Variants in SPATA7 observed in about 807,000 individuals in gnomAD.
SPATA7 encodes the protein spermatogenesis-associated protein 7.
A neutral mutation model predicts 51.8 loss-of-function variants in SPATA7; 43 were observed. That is an observed-to-expected ratio of 0.83 (90% CI 0.65 to 1.07). SPATA7 has a LOEUF of 1.07. Ranked by LOEUF, SPATA7 falls within the 50% of genes least tolerant of loss-of-function variation. The probability of loss-of-function intolerance (pLI) is 0.00; values close to 1 mark genes in which losing one functional copy is unlikely to be tolerated. For missense variants in SPATA7, 683 were observed against 701.3 expected, an observed-to-expected ratio of 0.97 and a Z score of 0.30; for synonymous variants, 230 against 252.8, an observed-to-expected ratio of 0.91 and a Z score of 0.86.
intron 10 of SPATA7, among the ~76,000 whole-genome samples, chr14:88,434,866 AT>A (rs770874377): frequency 2.3e-4 from 35 of 152,090 alleles, no homozygotes; most frequent in African/African-American, 3.1e-4. Flanking sequence ...TTGGGTTTTA[AT>A]AAAAAATTGT....
chr14:88,416,509 G>T, intron 4 of SPATA7: 6 of 368,750 alleles, frequency 1.6e-5, no homozygotes, highest in Middle Eastern at 8.7e-4. Context: ...AATTAAATGT[G>T]TTAGTTAATA....
At chr14:88,401,636 A>C (rs1316789374) in intron 4 of SPATA7, among the ~76,000 whole-genome samples, 1 of 152,058 alleles carries the variant, frequency 6.6e-6, no homozygotes, top group Admixed American at 6.6e-5. Context: ...AGGAGTGGCC[A>C]GCCTGGGCAA....
Position 88,426,524 on chromosome 14 carries a change from G to C in SPATA7, c.665G>C (p.Ser222Thr), listed in dbSNP as rs781595295. Residue 222 changes from serine (S) to threonine (T), a missense_variant, in exon 6 of 12, where the codon AGT becomes ACT. Ser to Thr is a moderately conservative substitution (Grantham distance 58). Coordinates refer to ENST00000393545, the MANE Select transcript of SPATA7 (RefSeq NM_018418.5). ...CAGTTAGTCATTTCGAAAGCACCCA[G>C]TGGGGATCTTTTGGATAAACATTCT... ...RFQLVISKAP[S>T]GDLLDKHSEL... The C allele has an allele frequency of 6.2e-7, 1 of 1,614,206 alleles. No homozygotes were observed. Among genetic ancestry groups the C allele is most frequent in the African/African-American group, 1.3e-5 (1 of 75,054 alleles).
At chr14:88,404,813 A>G (rs757650052) in intron 4 of SPATA7, among the ~76,000 whole-genome samples, 19 of 152,352 alleles carry the variant, frequency 1.2e-4, no homozygotes, top group South Asian at 4.1e-4. Context: ...GCTAGAGTTT[A>G]TTCATTGATT....
At chr14:88,467,664 A>G (rs1299474406) in intron 4 of SPATA7, 1 of 154,010 alleles carries the variant, frequency 6.5e-6, no homozygotes, top group Admixed American at 6.5e-5. Context: ...ACAAAGTTAT[A>G]TAGGAGCAAC....
intron 4 of SPATA7, among the ~76,000 whole-genome samples, chr14:88,463,033 C>T (rs369449071): frequency 6.6e-6 from 1 of 152,134 alleles, no homozygotes; most frequent in African/African-American, 2.4e-5. Flanking sequence ...GTAATGTCAA[C>T]ATTTTTGGAA....
downstream of SPATA7, among the ~76,000 whole-genome samples, chr14:88,455,735 T>C (rs968287322): frequency 6.6e-6 from 1 of 152,188 alleles, no homozygotes; most frequent in Non-Finnish European, 1.5e-5. Context: ...TTTATCCCAT[T>C]TTTTATTATA....
Position 88,438,352 on chromosome 14 carries a change from A to G in SPATA7, c.1730A>G (p.Asn577Ser). The change falls in exon 12 of 12, where the codon AAT becomes AGT. Residue 577 changes from asparagine (N) to serine (S), a missense_variant. Coordinates refer to ENST00000393545, the MANE Select transcript of SPATA7 (RefSeq NM_018418.5). Reference sequence around the variant, plus strand: ...TTCTCCAGTGTCAAAGGCGACAATAATCATGACATGGAGTTATCAACTCTT... The same window carrying G: ...TTCTCCAGTGTCAAAGGCGACAATAGTCATGACATGGAGTTATCAACTCTT... The part of the protein sequence containing the change: ...VQFSSVKGDN[N>S]HDMELSTLKI... 1 of 1,614,082 alleles carries G rather than the reference A, an allele frequency of 6.2e-7. No individual in the cohort carries two copies. The highest frequency in any genetic ancestry group is 8.5e-7 in the Non-Finnish European group (1 of 1,179,976).
rs115699661 is a variant in SPATA7, at chr14:88,454,990, C to T, written c.178-70C>T. ...GGAAAACTAAAGTGATTTCTGGGCC[C>T]CATCCCCATAGCTTCTGACTCAAAA... On this transcript the variant is annotated intron_variant, in intron 3 of 3. Coordinates refer to the SPATA7 transcript ENST00000554802. 388 of 440,102 alleles carry T rather than the reference C, an allele frequency of 8.8e-4. 4 individuals carry two copies. The highest frequency in any genetic ancestry group is 7.1e-3 in the African/African-American group (350 of 49,442). The allele number at this position is 440,102 out of a possible 1,614,324, so 27.3% of individuals were successfully genotyped here.
At chr14:88,421,088 T>C (rs2076629276) in intron 5 of SPATA7, among the ~76,000 whole-genome samples, 1 of 151,956 alleles carries the variant, frequency 6.6e-6, no homozygotes, top group South Asian at 2.1e-4. Context: ...CACTCCAGCC[T>C]GGTGACAGAG....
intron 4 of SPATA7, among the ~76,000 whole-genome samples, chr14:88,411,666 C>T (rs957866440): frequency 6.6e-6 from 1 of 152,096 alleles, no homozygotes; most frequent in Non-Finnish European, 1.5e-5. Context: ...GAGGCAACAC[C>T]ACACCCTGCT....
At chr14:88,457,102 G>C (rs1238700134), downstream of SPATA7, among the ~76,000 whole-genome samples, 1 of 152,166 alleles carries the variant, frequency 6.6e-6, no homozygotes, top group Non-Finnish European at 1.5e-5. Flanking sequence ...TTTGGTACCA[G>C]TACCATGCTG....
intron 4 of SPATA7, among the ~76,000 whole-genome samples, chr14:88,468,445 A>G (rs1219671914): frequency 6.6e-6 from 1 of 152,192 alleles, no homozygotes; most frequent in Non-Finnish European, 1.5e-5. Context: ...AGTTTTAGCT[A>G]TAAATAGAAT....
At chr14:88,395,084 C>T (rs993840577) in intron 3 of SPATA7, among the ~76,000 whole-genome samples, 3 of 151,926 alleles carry the variant, frequency 2.0e-5, no homozygotes, top group South Asian at 2.1e-4. Context: ...TGTTAAAATT[C>T]GTATTCTGGA....
At chr14:88,461,501 T>C (rs2077317492) in intron 4 of SPATA7, among the ~76,000 whole-genome samples, 1 of 152,186 alleles carries the variant, frequency 6.6e-6, no homozygotes, top group Admixed American at 6.5e-5. Context: ...CGTGGGACCC[T>C]CCGAGCCAGG....
At chr14:88,462,298 C>T (rs1313837970) in intron 4 of SPATA7, among the ~76,000 whole-genome samples, 1 of 152,172 alleles carries the variant, frequency 6.6e-6, no homozygotes, top group Admixed American at 6.5e-5. Flanking sequence ...CAGTTTTTCT[C>T]AGCTGATGAG....
intron 5 of SPATA7, among the ~76,000 whole-genome samples, chr14:88,419,147 T>C (rs900667056): frequency 2.6e-5 from 4 of 152,172 alleles, no homozygotes; most frequent in African/African-American, 4.8e-5. Flanking sequence ...GAGAGAAATC[T>C]TCCACATACT....
intron 4 of SPATA7, chr14:88,468,254 G>C (rs767946467): frequency 6.2e-7 from 1 of 1,605,654 alleles, no homozygotes; most frequent in East Asian, 2.2e-5. Flanking sequence ...GCACTCTCGG[G>C]ATGTCCAGCA....
At chr14:88,431,621 C>T (rs1395370087) in intron 9 of SPATA7, among the ~76,000 whole-genome samples, 3 of 152,106 alleles carry the variant, frequency 2.0e-5, no homozygotes. Flanking sequence ...TTCCCGTCTA[C>T]CCTTCCCAGC....
Sources: allele counts gnomAD v4.1 joint callset (sites outside exome capture counted in the v4.1 genomes callset), GRCh38; gene constraint gnomAD v4.1.1; transcripts MANE v1.5; gene names NCBI Gene and HGNC (gene_info 2026-07-23, HGNC 2026-07-21).